The following P2RY8 variants were observed in gnomAD, a reference collection of about 807,000 sequenced individuals.
The protein encoded by P2RY8 is P2Y receptor family member 8.
A neutral mutation model predicts 10.0 loss-of-function variants in P2RY8; 6 were observed. That is an observed-to-expected ratio of 0.60 (90% CI 0.33 to 1.19). The LOEUF is 1.19. Among genes scored for constraint, P2RY8 ranks in the 50% most tolerant of loss-of-function variants. The pLI is 0.04. For missense variants in P2RY8, 456 were observed against 542.0 expected (o/e 0.84, Z 1.58); for synonymous variants, 276 against 252.5 (o/e 1.09, Z -0.88).
rs375144912 is a variant in P2RY8, at chrX:1,465,455, C to G, written c.*24G>C. ...CTGGATCTCCAAGCTGCGCCCCCGG[C>G]TCTCCAAGCTGCGCCCCCGGGACTC... On this transcript the variant is annotated 3_prime_UTR_variant, in exon 2 of 2. Coordinates refer to ENST00000381297, the MANE Select transcript of P2RY8 (RefSeq NM_178129.5). The G allele has an allele frequency of 1.9e-6, 3 of 1,575,410 alleles. No individual in the cohort carries two copies. The highest frequency in any genetic ancestry group is 1.4e-5 in the African/African-American group (1 of 73,664).
chrX:1,473,182 T>A (rs1357994317), intron 1 of P2RY8, among the ~76,000 whole-genome samples: 1 of 146,554 alleles, frequency 6.8e-6, no homozygotes, highest in African/African-American at 2.6e-5. Context: ...GATGGATGGG[T>A]GGATGGATGG....
At chrX:1,532,337 T>C (rs868142103) in intron 1 of P2RY8, among the ~76,000 whole-genome samples, 1 of 141,614 alleles carries the variant, frequency 7.1e-6, no homozygotes, top group Admixed American at 7.2e-5. Context: ...TATATACACA[T>C]ATATGTATAT....
In P2RY8 at chrX:1,465,026, C is replaced by T. The variant is rs1464663829; in HGVS notation, c.*453G>A. ...AGAGCTGGGAATGGGGCTCGCAGTT[C>T]GCCCACGGAGGATATCCAGAAACCG... On this transcript the variant is annotated 3_prime_UTR_variant, in exon 2 of 2. Coordinates refer to ENST00000381297, the MANE Select transcript of P2RY8 (RefSeq NM_178129.5). 7.8e-6 allele frequency: 2 copies of T among 254,910 alleles called. No individual in the cohort carries two copies. The highest frequency in any genetic ancestry group is 1.5e-5 in the Non-Finnish European group (2 of 131,690). 15.8% of individuals were successfully genotyped at this position (254,910 alleles called of 1,614,324 possible).
chrX:1,514,120 T>C (rs1217850788), intron 1 of P2RY8, among the ~76,000 whole-genome samples: 2 of 152,142 alleles, frequency 1.3e-5, no homozygotes, highest in African/African-American at 2.4e-5. Flanking sequence ...CTTTTAGCCC[T>C]GAGGTTCTTG....
chrX:1,466,610 G>C, intron 1 of P2RY8, 28 bp from the exon 2 acceptor site: 1 of 1,544,818 alleles, frequency 6.5e-7, no homozygotes, highest in Non-Finnish European at 8.7e-7. Flanking sequence ...AAGGGTGTAC[G>C]GGTCAGGGGC....
intron 1 of P2RY8, among the ~76,000 whole-genome samples, chrX:1,501,109 G>A (rs573691912): frequency 3.9e-5 from 6 of 152,236 alleles, no homozygotes; most frequent in Middle Eastern, 3.4e-3. Flanking sequence ...CAGACTCTAC[G>A]CCCATCTTCC....
chrX:1,529,946 C>T (rs1358084116), intron 1 of P2RY8, among the ~76,000 whole-genome samples: 5 of 151,834 alleles, frequency 3.3e-5, no homozygotes, highest in Non-Finnish European at 5.9e-5. Flanking sequence ...GGGTGGATCC[C>T]GGGGATGCTT....
At chrX:1,509,510 T>A in intron 1 of P2RY8, among the ~76,000 whole-genome samples, 1 of 110,842 alleles carries the variant, frequency 9.0e-6, no homozygotes, top group East Asian at 2.6e-4. Context: ...CCTCCATCCA[T>A]CCATTCATCC....
At chrX:1,488,121 AG>A (rs200796587) in intron 1 of P2RY8, among the ~76,000 whole-genome samples, 34,565 of 148,886 alleles carry the variant, frequency 0.23, 4,763 homozygotes, top group East Asian at 0.55. Context: ...AAAAAAAAAA[AG>A]AAGAAGAAGA....
rs1250299109 is a variant in P2RY8, at chrX:1,463,475, CTCTGTGTCTGTGTCTCCTCT to C, written c.*1984_*2003del. 11 of 229,264 alleles carry C rather than the reference CTCTGTGTCTGTGTCTCCTCT, an allele frequency of 4.8e-5. No individual in the cohort carries two copies. The East Asian group carries it at 6.8e-4, about 14-fold the overall frequency. 14.2% of individuals were successfully genotyped at this position (229,264 alleles called of 1,614,324 possible). On this transcript the variant is annotated 3_prime_UTR_variant, in exon 2 of 2. Coordinates refer to ENST00000381297, the MANE Select transcript of P2RY8 (RefSeq NM_178129.5). ...GCCTCTGTCTCCACGTGTCCTCCTG[CTCTGTGTCTGTGTCTCCTCT>C]TCTGTCTCTTGGAAGGACACCTGTC...
At chrX:1,523,506 A>G (rs753441047) in intron 1 of P2RY8, among the ~76,000 whole-genome samples, 1 of 152,200 alleles carries the variant, frequency 6.6e-6, no homozygotes, top group East Asian at 1.9e-4. Flanking sequence ...AAAATATTGC[A>G]GATTTGTGAT....
intron 1 of P2RY8, chrX:1,494,310 T>G (rs5989756): frequency 6.6e-6 from 1 of 152,172 alleles, no homozygotes; most frequent in Non-Finnish European, 1.5e-5. Flanking sequence ...GCACCGCACC[T>G]TGAGACAGAC....
intron 1 of P2RY8, among the ~76,000 whole-genome samples, chrX:1,480,905 GAAA>G (rs200171198): frequency 7.4e-5 from 11 of 148,046 alleles, no homozygotes; most frequent in Admixed American, 4.1e-4. Flanking sequence ...TCAACCACTG[GAAA>G]AAAAAAAAAC....
chrX:1,512,180 G>A (rs1464138617), intron 1 of P2RY8, among the ~76,000 whole-genome samples: 16 of 152,078 alleles, frequency 1.1e-4, no homozygotes, highest in African/African-American at 3.9e-4. Context: ...TCATCTCCCA[G>A]TCCTGGAGGT....
At chrX:1,513,964 C>A (rs369273385) in intron 1 of P2RY8, among the ~76,000 whole-genome samples, 70 of 152,354 alleles carry the variant, frequency 4.6e-4, no homozygotes, top group African/African-American at 1.7e-3. Context: ...CCTTAAATCA[C>A]ATCTTCAAAG....
intron 1 of P2RY8, among the ~76,000 whole-genome samples, chrX:1,518,405 G>A (rs1163336298): frequency 1.5e-5 from 2 of 136,086 alleles, no homozygotes; most frequent in Non-Finnish European, 3.1e-5. Flanking sequence ...CAGCGTGGGT[G>A]ACAGAGCGAG....
intron 1 of P2RY8, among the ~76,000 whole-genome samples, chrX:1,490,534 A>C (rs1414142336): frequency 7.6e-6 from 1 of 130,808 alleles, no homozygotes; most frequent in African/African-American, 2.8e-5. Context: ...GAATGAATGA[A>C]TGATACCCCG....
Position 1,464,270 on chromosome X carries a change from C to A in P2RY8, c.*1209G>T. On this transcript the variant is annotated 3_prime_UTR_variant, in exon 2 of 2. Coordinates refer to ENST00000381297, the MANE Select transcript of P2RY8 (RefSeq NM_178129.5). ...TGGAGAGTCAGAGCTCTTCTTTGCGCTAAACCAGCTCAGGTGTTGGGGCTG... is the reference window on the plus strand; with the variant it reads ...TGGAGAGTCAGAGCTCTTCTTTGCGATAAACCAGCTCAGGTGTTGGGGCTG... The A allele has an allele frequency of 4.3e-6, 1 of 233,388 alleles. No individual in the cohort carries two copies. Among genetic ancestry groups the A allele is most frequent in the East Asian group, 6.0e-5 (1 of 16,596 alleles). 14.5% of individuals were successfully genotyped at this position (233,388 alleles called of 1,614,324 possible).
chrX:1,507,307 G>A lies in P2RY8; in HGVS notation c.-25+29614C>T, dbSNP rs188480524. On this transcript the variant is annotated intron_variant, in intron 1 of 1. Coordinates refer to ENST00000381297, the MANE Select transcript of P2RY8 (RefSeq NM_178129.5). Reference sequence around the variant, plus strand: ...AAGATGAAGTCCCCTAGATTTCACCGGACGAGATGAGACCTGACATTCCAC... The same window carrying A: ...AAGATGAAGTCCCCTAGATTTCACCAGACGAGATGAGACCTGACATTCCAC... 2.2e-4 allele frequency among the ~76,000 whole-genome samples: 34 copies of A among 152,092 alleles called. 1 individual carries two copies. In the East Asian group the frequency reaches 3.1e-3, roughly 14 times the overall value.
Sources: gnomAD v4.1 joint callset for allele counts (sites outside exome capture counted in the v4.1 genomes callset) on GRCh38, gnomAD v4.1.1 for gene constraint, MANE v1.5 for transcripts, NCBI Gene and HGNC (gene_info 2026-07-23, HGNC 2026-07-21) for gene names.